The following NARF variants were observed in gnomAD, a reference collection of about 807,000 sequenced individuals.
NARF encodes the protein iron-only hydrogenase-like protein 2.
NARF carries 41 observed loss-of-function variants against 48.0 expected under a neutral mutation model. The observed-to-expected ratio is 0.85, with a 90% CI of 0.66 to 1.11. The LOEUF (loss-of-function observed/expected upper bound fraction) is 1.11. Ranked by LOEUF, NARF falls within the 50% of genes least tolerant of loss-of-function variation. NARF has a pLI of 0.00. For missense variants in NARF, 613 were observed against 590.2 expected (o/e 1.04, Z -0.40); for synonymous variants, 215 against 225.5 (o/e 0.95, Z 0.42).
chr17:82,486,506 G>A (rs149987774), intron 10 of NARF, among the ~76,000 whole-genome samples: 79 of 152,324 alleles, frequency 5.2e-4, no homozygotes, highest in Non-Finnish European at 8.5e-4. Context: ...AAAGGATCTC[G>A]TAGAGGAGGG....
intron 3 of NARF, chr17:82,468,378 C>T (rs1489213412): frequency 1.3e-5 from 2 of 153,660 alleles, no homozygotes; most frequent in East Asian, 3.8e-4. Flanking sequence ...CAGAGTATTA[C>T]TCTGTCACTC....
intron 4 of NARF, among the ~76,000 whole-genome samples, chr17:82,470,038 C>T (rs1466434420): frequency 6.6e-6 from 1 of 152,156 alleles, no homozygotes; most frequent in Non-Finnish European, 1.5e-5. Flanking sequence ...TCGAGACCAG[C>T]CTCGACAACA....
chr17:82,481,799 A>T (rs763108162), intron 7 of NARF: 4 of 429,584 alleles, frequency 9.3e-6, no homozygotes, highest in South Asian at 6.7e-5. Context: ...CCCTAACTTT[A>T]CATTACAGTC....
At position 82,482,139 on chromosome 17, in the gene NARF, T is replaced by C. The variant is rs565024732; in HGVS notation, c.769+928T>C. On this transcript the variant is annotated intron_variant, in intron 7 of 10. Transcript: ENST00000309794. ...TCTGGCGGAACTGTTTTAATTGGTC[T>C]CTGAAAACAGGTCCCTGCAGGTATT... is the stretch of plus-strand genomic sequence containing the variant. 4 of 311,502 alleles carry C rather than the reference T, an allele frequency of 1.3e-5. No individual in the cohort carries two copies. The East Asian group carries it at 3.6e-4, about 28-fold the overall frequency. The allele number at this position is 311,502 out of a possible 1,614,324, so 19.3% of individuals were successfully genotyped here. A position where few individuals can be genotyped will look rare whatever the true frequency, so the allele number is the denominator to read the frequency against.
intron 8 of NARF, 178 bp downstream of exon 8, chr17:82,483,957 C>A (rs928689342): frequency 1.2e-5 from 7 of 577,378 alleles, no homozygotes; most frequent in Non-Finnish European, 1.8e-5. Context: ...GAATGGGATA[C>A]CATTCACCAG....
intron 7 of NARF, chr17:82,482,326 G>A (rs571473918): frequency 5.1e-5 from 16 of 316,374 alleles, no homozygotes; most frequent in Non-Finnish European, 8.8e-5. Context: ...ATGTGGCAGG[G>A]GTGTTGAAGG....
chr17:82,480,337 C>G (rs949995797), intron 6 of NARF: 2 of 401,302 alleles, frequency 5.0e-6, no homozygotes, highest in African/African-American at 4.1e-5. Context: ...TGCAATGGCT[C>G]CATGCTGGAC....
At position 82,485,508 on chromosome 17, in the gene NARF, T is replaced by C; in HGVS notation, c.983T>C (p.Phe328Ser). 1 of 1,614,172 alleles carries C rather than the reference T, an allele frequency of 6.2e-7. No individual in the cohort carries two copies. The highest frequency in any genetic ancestry group is 8.5e-7 in the Non-Finnish European group (1 of 1,180,010). ...VTYRALRNKD[F>S]QEVTLEKNGE... ...TGTTCATTTTGTAGAAACAAAGACT[T>C]CCAAGAGGTCACCCTTGAGAAGAAC... Residue 328 changes from phenylalanine (F) to serine (S), a missense_variant, in exon 10 of 11, where the codon TTC becomes TCC. By Grantham distance (155) the Phe-to-Ser change is radical. Transcript: ENST00000309794.
chr17:82,474,385 A>G (rs557852613), intron 5 of NARF, among the ~76,000 whole-genome samples: 2 of 152,298 alleles, frequency 1.3e-5, no homozygotes, highest in African/African-American at 4.8e-5. Flanking sequence ...TGAGTTATAG[A>G]AGAGATTTGT....
At chr17:82,485,931 C>T (rs148188906) in intron 10 of NARF, among the ~76,000 whole-genome samples, 2 of 152,338 alleles carry the variant, frequency 1.3e-5, no homozygotes, top group African/African-American at 4.8e-5. Context: ...CAGCCCGTGG[C>T]GGCTGGCTTA....
At chr17:82,460,281 A>G (rs1390364774) in intron 2 of NARF, 5 of 425,156 alleles carry the variant, frequency 1.2e-5, no homozygotes, top group East Asian at 4.3e-5. Context: ...CCTGGCCAAC[A>G]TGGTGAAACC....
rs2043740802 is a variant in NARF, at chr17:82,472,704, C to T, written c.520+6C>T. ...GCTGACCTCTGCCTGTCCTGGTGAG[C>T]CCCTGGACCCCCGCTCTGTTGGCCT... On this transcript the variant is annotated splice_donor_region_variant and intron_variant, in intron 5 of 10. Transcript: ENST00000309794. The T allele has an allele frequency of 6.2e-7, 1 of 1,609,260 alleles. No individual in the cohort carries two copies. The highest frequency in any genetic ancestry group is 1.7e-5 in the Admixed American group (1 of 59,046).
rs2044142633 is a variant in NARF, at chr17:82,488,236, G to A, written c.*79G>A. The A allele has an allele frequency of 6.5e-7, 1 of 1,541,352 alleles. No homozygotes were observed. Among genetic ancestry groups the A allele is most frequent in the Non-Finnish European group, 8.7e-7 (1 of 1,146,158 alleles). ...GTAGAGGGAGGGGCTGCCCTGAGTG[G>A]AGTATTAAAGACACTTAAGAAAACC... On this transcript the variant is annotated 3_prime_UTR_variant, in exon 11 of 11. Coordinates refer to ENST00000309794, the MANE Select transcript of NARF (RefSeq NM_012336.4).
chr17:82,486,340 C>CG (rs144086012), intron 10 of NARF, among the ~76,000 whole-genome samples: 3,811 of 151,562 alleles, frequency 0.025, 158 homozygotes, highest in African/African-American at 0.087. Context: ...CATTGTGAGT[C>CG]GGGGGGGGCA....
At chr17:82,458,609 A>G, upstream of NARF, 1 of 635,132 alleles carries the variant, frequency 1.6e-6, no homozygotes, top group Non-Finnish European at 2.4e-6. Context: ...CAAAGCCGTA[A>G]GGGTGGGGAA....
At chr17:82,487,222 G>A (rs561109317) in intron 10 of NARF, among the ~76,000 whole-genome samples, 1 of 150,404 alleles carries the variant, frequency 6.6e-6, no homozygotes, top group East Asian at 2.0e-4. Context: ...GGTGGCTCAC[G>A]CCTGTAATCC....
chr17:82,472,474 A>G (rs1274853420), intron 4 of NARF, 90 bp from the exon 5 acceptor site: 38 of 1,414,932 alleles, frequency 2.7e-5, no homozygotes, highest in Middle Eastern at 3.9e-4. Flanking sequence ...ACAGAACGAG[A>G]CTCCGTCTCA....
At chr17:82,466,187 C>T (rs980179475) in intron 3 of NARF, among the ~76,000 whole-genome samples, 4 of 152,094 alleles carry the variant, frequency 2.6e-5, no homozygotes, top group African/African-American at 9.7e-5. Flanking sequence ...TTGCAAAAAC[C>T]CTTGAAAGTG....
At chr17:82,458,467 G>A (rs1006023711), upstream of NARF, 23 of 296,854 alleles carry the variant, frequency 7.7e-5, no homozygotes, top group Non-Finnish European at 1.4e-4. Context: ...CAGGACCCAC[G>A]AGAAGCGGAA....
Sources: gnomAD v4.1 joint callset for allele counts (sites outside exome capture counted in the v4.1 genomes callset) on GRCh38, gnomAD v4.1.1 for gene constraint, MANE v1.5 for transcripts, NCBI Gene and HGNC (gene_info 2026-07-23, HGNC 2026-07-21) for gene names.